Variants in HS6ST3 observed in about 807,000 individuals in gnomAD.
HS6ST3 encodes heparan sulfate 6-O-sulfotransferase 3.
A neutral mutation model predicts 36.7 loss-of-function variants in HS6ST3; 12 were observed. The observed-to-expected ratio is 0.33, with a 90% CI of 0.21 to 0.53. The LOEUF (loss-of-function observed/expected upper bound fraction) is 0.53, where lower values mean the gene tolerates loss of function less well. HS6ST3 is among the 20% of genes least tolerant of loss of function. The pLI is 0.95. For synonymous variants in HS6ST3, 240 were observed against 257.5 expected (o/e 0.93, Z 0.65); for missense variants, 584 against 640.9 (o/e 0.91, Z 0.96).
chr13:96,542,694 C>T (rs892560948), intron 1 of HS6ST3, among the ~76,000 whole-genome samples: 31 of 152,174 alleles, frequency 2.0e-4, no homozygotes, highest in Non-Finnish European at 2.9e-5. Flanking sequence ...CACCACTCTA[C>T]CCTTTTGCTG....
chr13:96,491,577 G>A (rs938481015), intron 1 of HS6ST3, among the ~76,000 whole-genome samples: 25 of 151,324 alleles, frequency 1.7e-4, no homozygotes, highest in Admixed American at 9.9e-4. Context: ...CTTCTAAATC[G>A]GACATCTTTG....
chr13:96,699,432 T>C lies in HS6ST3; in HGVS notation c.708-133058T>C, dbSNP rs555970589. ...AAAAACAACCCCATCAACAAGTGGG[T>C]GAAGGATATGAACAGACACTTCTCA... is the stretch of plus-strand genomic sequence containing the variant. On this transcript the variant is annotated intron_variant, in intron 1 of 1. Coordinates refer to ENST00000376705, the MANE Select transcript of HS6ST3 (RefSeq NM_153456.4). Among the ~76,000 whole-genome samples the C allele has an allele frequency of 9.5e-3, 1,442 of 152,130 alleles. 21 individuals are homozygous for C. Among genetic ancestry groups the C allele is most frequent in the African/African-American group, 0.032 (1,335 of 41,486 alleles).
At chr13:96,246,388 G>T (rs940107246) in intron 1 of HS6ST3, among the ~76,000 whole-genome samples, 1 of 152,146 alleles carries the variant, frequency 6.6e-6, no homozygotes, top group South Asian at 2.1e-4. Context: ...ATGCTAATAG[G>T]TTGAAACATT....
intron 1 of HS6ST3, among the ~76,000 whole-genome samples, chr13:96,522,785 C>T (rs775554194): frequency 2.6e-5 from 4 of 152,132 alleles, no homozygotes; most frequent in Non-Finnish European, 5.9e-5. Flanking sequence ...CCCCTGAATA[C>T]AGCACACCAA....
At chr13:96,132,702 C>T (rs965365985) in intron 1 of HS6ST3, among the ~76,000 whole-genome samples, 22 of 152,142 alleles carry the variant, frequency 1.4e-4, no homozygotes, top group African/African-American at 5.1e-4. Context: ...CACTGCACCC[C>T]CCAGCTAATG....
At chr13:96,202,243 T>A (rs1327418370) in intron 1 of HS6ST3, among the ~76,000 whole-genome samples, 1 of 152,218 alleles carries the variant, frequency 6.6e-6, no homozygotes, top group African/African-American at 2.4e-5. Context: ...CTTGATGCCC[T>A]GTGAAATGAT....
intron 1 of HS6ST3, among the ~76,000 whole-genome samples, chr13:96,138,436 GTTTATAAATATA>G (rs2054013628): frequency 8.7e-6 from 1 of 115,598 alleles, no homozygotes; most frequent in Non-Finnish European, 1.8e-5. Context: ...TATATTTACA[GTTTATAAATATA>G]TAGTTTATAA....
chr13:96,513,420 C>T (rs1015780361), intron 1 of HS6ST3, among the ~76,000 whole-genome samples: 1 of 152,098 alleles, frequency 6.6e-6, no homozygotes, highest in Non-Finnish European at 1.5e-5. Context: ...TGTCTGTATG[C>T]ATTGCCATAA....
chr13:96,795,566 A>G (rs1209774610), intron 1 of HS6ST3, among the ~76,000 whole-genome samples: 2 of 152,140 alleles, frequency 1.3e-5, no homozygotes, highest in Non-Finnish European at 2.9e-5. Flanking sequence ...TGGTGATTCT[A>G]TTAGTCATTA....
At chr13:96,180,204 A>G (rs954751745) in intron 1 of HS6ST3, among the ~76,000 whole-genome samples, 1 of 152,200 alleles carries the variant, frequency 6.6e-6, no homozygotes, top group Non-Finnish European at 1.5e-5. Context: ...GCACACACAC[A>G]CACACGCCAA....
intron 1 of HS6ST3, among the ~76,000 whole-genome samples, chr13:96,412,077 TCA>T (rs1488288887): frequency 2.6e-5 from 4 of 152,154 alleles, no homozygotes; most frequent in African/African-American, 9.7e-5. Flanking sequence ...CGATCTCGGC[TCA>T]CTGCAACCTC....
intron 1 of HS6ST3, among the ~76,000 whole-genome samples, chr13:96,769,046 G>A (rs900038022): frequency 4.6e-5 from 7 of 152,090 alleles, no homozygotes; most frequent in African/African-American, 1.7e-4. Flanking sequence ...GCCCCTTGCT[G>A]AATGGCCCAC....
chr13:96,685,801 T>A (rs992539716), intron 1 of HS6ST3, among the ~76,000 whole-genome samples: 7 of 151,986 alleles, frequency 4.6e-5, no homozygotes, highest in Non-Finnish European at 8.8e-5. Flanking sequence ...CCAGAGTAGT[T>A]TCCCAAAACT....
chr13:96,457,919 C>T (rs1002120508), intron 1 of HS6ST3, among the ~76,000 whole-genome samples: 17 of 151,738 alleles, frequency 1.1e-4, no homozygotes, highest in Non-Finnish European at 2.4e-4. Context: ...ATTTTTTCCT[C>T]ATTAAGAAGG....
At chr13:96,173,823 CTTTGTG>C (rs1034059399) in intron 1 of HS6ST3, among the ~76,000 whole-genome samples, 1 of 21,798 alleles carries the variant, frequency 4.6e-5, no homozygotes, top group African/African-American at 2.8e-4. Flanking sequence ...CTTAATTTCT[CTTTGTG>C]TGTGTGTGTG....
chr13:96,495,141 T>G (rs2055968492), intron 1 of HS6ST3, among the ~76,000 whole-genome samples: 1 of 152,200 alleles, frequency 6.6e-6, no homozygotes, highest in African/African-American at 2.4e-5. Flanking sequence ...AAGGTTTTGT[T>G]TTGTTTTTTA....
At chr13:96,629,368 C>A (rs1425910509) in intron 1 of HS6ST3, among the ~76,000 whole-genome samples, 10 of 152,176 alleles carry the variant, frequency 6.6e-5, no homozygotes, top group Non-Finnish European at 1.5e-5. Flanking sequence ...TCAGGCCTTT[C>A]ATCTTGACTA....
intron 1 of HS6ST3, among the ~76,000 whole-genome samples, chr13:96,798,758 C>A (rs1686654003): frequency 6.6e-6 from 1 of 152,016 alleles, no homozygotes; most frequent in Admixed American, 6.6e-5. Flanking sequence ...GTGTAATCTG[C>A]TAGGGTTGCC....
intron 1 of HS6ST3, among the ~76,000 whole-genome samples, chr13:96,543,338 T>C (rs527321123): frequency 2.6e-5 from 4 of 152,306 alleles, no homozygotes; most frequent in African/African-American, 7.2e-5. Flanking sequence ...ATCCACTGGG[T>C]GATCACAGGA....
Sources: allele counts gnomAD v4.1 joint callset (sites outside exome capture counted in the v4.1 genomes callset), GRCh38; gene constraint gnomAD v4.1.1; transcripts MANE v1.5; gene names NCBI Gene and HGNC (gene_info 2026-07-23, HGNC 2026-07-21).